The following AGAP1 variants were observed in gnomAD, a reference collection of about 807,000 sequenced individuals.
AGAP1 encodes ArfGAP with GTPase domain, ankyrin repeat and PH domain 1, also known as arf-GAP with GTPase, ANK repeat and PH domain-containing protein 1.
A neutral mutation model predicts 105.3 loss-of-function variants in AGAP1; 29 were observed. The observed-to-expected ratio is 0.28, with a 90% CI of 0.21 to 0.38. The LOEUF is 0.38. Ranked by LOEUF, AGAP1 falls within the 10% of genes least tolerant of loss-of-function variation. The probability of loss-of-function intolerance (pLI) is 1.00; values close to 1 mark genes in which losing one functional copy is unlikely to be tolerated. For missense variants in AGAP1, 998 were observed against 1,165.1 expected, an observed-to-expected ratio of 0.86 and a Z score of 2.09; for synonymous variants, 509 against 485.9, an observed-to-expected ratio of 1.05 and a Z score of -0.63.
At chr2:236,064,881 A>G (rs2058303778) in intron 16 of AGAP1, among the ~76,000 whole-genome samples, 1 of 152,244 alleles carries the variant, frequency 6.6e-6, no homozygotes, top group Admixed American at 6.5e-5. Context: ...AAACAAGAAT[A>G]ATCACCTGTT....
chr2:236,010,622 G>A (rs763369513), intron 13 of AGAP1, among the ~76,000 whole-genome samples: 2 of 152,156 alleles, frequency 1.3e-5, no homozygotes, highest in South Asian at 2.1e-4. Context: ...CTTTGTCCAC[G>A]TTAGGATCGT....
At chr2:235,776,174 G>A (rs1955844497) in intron 6 of AGAP1, among the ~76,000 whole-genome samples, 1 of 152,196 alleles carries the variant, frequency 6.6e-6, no homozygotes, top group South Asian at 2.1e-4. Flanking sequence ...TCTGGTCACA[G>A]TGTCTAGGAT....
chr2:235,588,063 C>G (rs1945184464), intron 1 of AGAP1, among the ~76,000 whole-genome samples: 1 of 152,060 alleles, frequency 6.6e-6, no homozygotes. Flanking sequence ...AACCCCGTCT[C>G]TACTAAAAAT....
rs145259231 is a variant in AGAP1, at chr2:236,038,305, G to C, written c.1800+1590G>C. Among the ~76,000 whole-genome samples the C allele has an allele frequency of 1.3e-5, 2 of 152,156 alleles. No homozygotes were observed. The highest frequency in any genetic ancestry group is 2.9e-5 in the Non-Finnish European group (2 of 68,028). On this transcript the variant is annotated intron_variant, in intron 14 of 17. Coordinates refer to ENST00000304032, the MANE Select transcript of AGAP1 (RefSeq NM_001037131.3). The surrounding 1 kb of genome is among the most constrained non-coding windows in gnomAD (Gnocchi z 4.5). Reference sequence around the variant, plus strand: ...AGGCAGGGAGGCAGGCTGTGTTACCGAACAGAGAGGCACAGGTTCCTGCCT... The same window carrying C: ...AGGCAGGGAGGCAGGCTGTGTTACCCAACAGAGAGGCACAGGTTCCTGCCT...
chr2:235,831,641 T>C (rs1470551764), intron 9 of AGAP1, among the ~76,000 whole-genome samples: 1 of 152,226 alleles, frequency 6.6e-6, no homozygotes, highest in African/African-American at 2.4e-5. Flanking sequence ...GCTCAGTAGC[T>C]CATTTCTTTC....
intron 13 of AGAP1, among the ~76,000 whole-genome samples, chr2:235,987,412 A>C (rs2055362836): frequency 6.7e-6 from 1 of 149,440 alleles, no homozygotes; most frequent in Admixed American, 6.6e-5. Context: ...AGTTTAGCTA[A>C]TGGTCTATCT....
At chr2:235,528,054 G>A (rs1368671641) in intron 1 of AGAP1, among the ~76,000 whole-genome samples, 1 of 152,202 alleles carries the variant, frequency 6.6e-6, no homozygotes, top group African/African-American at 2.4e-5. Context: ...ATATTTTCAT[G>A]ATAACCTCAT....
chr2:235,605,634 A>G (rs1705368452), intron 1 of AGAP1, among the ~76,000 whole-genome samples: 1 of 152,262 alleles, frequency 6.6e-6, no homozygotes. Flanking sequence ...TATTTAAGAA[A>G]TGCAGGCACA....
chr2:235,850,964 T>G (rs750956193), intron 9 of AGAP1, among the ~76,000 whole-genome samples: 4 of 152,170 alleles, frequency 2.6e-5, no homozygotes, highest in Non-Finnish European at 5.9e-5. Context: ...TTCCGGGACC[T>G]GGCCCAGCAT....
chr2:235,739,869 T>C lies in AGAP1; in HGVS notation c.311-1094T>C, dbSNP rs1575283683. ...AAGGTTCCCGTCGCAGGGGAGGGAA[T>C]CAGACGTCGCTCTGGGCGGCAGTGG... On this transcript the variant is annotated intron_variant, in intron 3 of 17. Coordinates refer to ENST00000304032, the MANE Select transcript of AGAP1 (RefSeq NM_001037131.3). This position sits in a 1 kb window ranked among gnomAD's most constrained non-coding sequence, Gnocchi z 5.3. 6.6e-6 allele frequency among the ~76,000 whole-genome samples: 1 copy of C among 152,272 alleles called. No homozygotes were observed. The highest frequency in any genetic ancestry group is 2.4e-5 in the African/African-American group (1 of 41,562).
Position 235,599,527 on chromosome 2 carries a change from A to C in AGAP1, c.163+104678A>C, listed in dbSNP as rs1433675359. On this transcript the variant is annotated intron_variant, in intron 1 of 17. Transcript: ENST00000304032. The surrounding 1 kb of genome is among the most constrained non-coding windows in gnomAD (Gnocchi z 5.3). ...TCTTTATTCCATAGCCACAAAAATA[A>C]GTTTATAAAAAGCCCCCACCAAGTC... Among the ~76,000 whole-genome samples, 1 of 152,200 alleles carries C rather than the reference A, an allele frequency of 6.6e-6. No individual in the cohort carries two copies. Among genetic ancestry groups the C allele is most frequent in the African/African-American group, 2.4e-5 (1 of 41,446 alleles).
At chr2:236,057,368 C>A (rs2125740967) in intron 16 of AGAP1, among the ~76,000 whole-genome samples, 1 of 152,328 alleles carries the variant, frequency 6.6e-6, no homozygotes, top group South Asian at 2.1e-4. Flanking sequence ...CTTGGCCCCC[C>A]AAAGTGCTGG....
chr2:236,046,530 G>A lies in AGAP1; in HGVS notation c.1892-2529G>A, dbSNP rs537213241. On this transcript the variant is annotated intron_variant, in intron 15 of 17. Coordinates refer to ENST00000304032, the MANE Select transcript of AGAP1 (RefSeq NM_001037131.3). This position sits in a 1 kb window ranked among gnomAD's most constrained non-coding sequence, Gnocchi z 5.2. ...AGGTGGACCCCTGGGGTCCCAGCTT[G>A]AATAGCTGGGACAGGAGGGACCTGG... Among the ~76,000 whole-genome samples the A allele has an allele frequency of 1.3e-5, 2 of 152,186 alleles. No individual in the cohort carries two copies. Among genetic ancestry groups the A allele is most frequent in the Non-Finnish European group, 1.5e-5 (1 of 68,022 alleles).
intron 15 of AGAP1, among the ~76,000 whole-genome samples, chr2:236,043,838 G>C (rs894773854): frequency 3.3e-5 from 5 of 152,186 alleles, no homozygotes; most frequent in African/African-American, 1.2e-4. Context: ...AGTATTTACA[G>C]GTATTTAGAG....
At position 235,620,547 on chromosome 2, in the gene AGAP1, A is replaced by ATCCTTCAGCCTCACC. The variant is rs1341806387; in HGVS notation, c.164-88628_164-88614dup. Among the ~76,000 whole-genome samples, 2 of 152,054 alleles carry ATCCTTCAGCCTCACC rather than the reference A, an allele frequency of 1.3e-5. No homozygotes were observed. The highest frequency in any genetic ancestry group is 4.8e-5 in the African/African-American group (2 of 41,390). On this transcript the variant is annotated intron_variant, in intron 1 of 17. Transcript: ENST00000304032. The surrounding 1 kb of genome is among the most constrained non-coding windows in gnomAD (Gnocchi z 4.5). ...GGGGCCCTTGCAGCTTGGCCCTCGC[A>ATCCTTCAGCCTCACC]TCCTTCAGCCTCACCTCCAGTGTCA... is the stretch of plus-strand genomic sequence containing the variant.
At chr2:235,890,538 A>G (rs1255128996) in intron 10 of AGAP1, among the ~76,000 whole-genome samples, 2 of 152,188 alleles carry the variant, frequency 1.3e-5, no homozygotes. Flanking sequence ...CAGCGTCCAC[A>G]TCATTGCTTC....
intron 2 of AGAP1, 87 bp from the exon 3 acceptor site, chr2:235,717,470 C>T: frequency 8.9e-7 from 1 of 1,117,390 alleles, no homozygotes; most frequent in South Asian, 1.6e-5. Context: ...GTGTTTAGGC[C>T]TCCTGTCTAT....
At chr2:235,698,739 C>T (rs144289881) in intron 1 of AGAP1, among the ~76,000 whole-genome samples, 8 of 152,264 alleles carry the variant, frequency 5.3e-5, no homozygotes, top group South Asian at 2.1e-4. Context: ...CTGGTGGTGG[C>T]GCTCAGTGTG....
chr2:235,631,356 C>G lies in AGAP1; in HGVS notation c.164-77823C>G, dbSNP rs770690810. 2.0e-5 allele frequency among the ~76,000 whole-genome samples: 3 copies of G among 152,194 alleles called. No individual in the cohort carries two copies. The highest frequency in any genetic ancestry group is 4.4e-5 in the Non-Finnish European group (3 of 68,050). On this transcript the variant is annotated intron_variant, in intron 1 of 17. Transcript: ENST00000304032. This position sits in a 1 kb window ranked among gnomAD's most constrained non-coding sequence, Gnocchi z 5.4. ...CAAGGAAGGACGATGGATTAGCCAA[C>G]CATGACCGGCCAGGCTGTGCGAGCT...
Sources: allele counts gnomAD v4.1 joint callset (sites outside exome capture counted in the v4.1 genomes callset), GRCh38; gene constraint gnomAD v4.1.1; non-coding constraint Gnocchi (gnomAD v3.1); transcripts MANE v1.5; gene names NCBI Gene and HGNC (gene_info 2026-07-23, HGNC 2026-07-21).